The following ZNF407 variants were observed in gnomAD, a reference collection of about 807,000 sequenced individuals.
The protein encoded by ZNF407 is zinc finger protein 407.
ZNF407 carries 17 observed loss-of-function variants against 131.2 expected under a neutral mutation model. The observed-to-expected ratio is 0.13, with a 90% confidence interval of 0.09 to 0.19. The LOEUF is 0.19. ZNF407 is among the 10% of genes least tolerant of loss of function. The pLI is 1.00. For synonymous variants in ZNF407, 1,156 were observed against 1,062.0 expected (o/e 1.09, Z -1.72); for missense variants, 2,681 against 2,830.6 (o/e 0.95, Z 1.20).
chr18:75,063,043 G>A lies in ZNF407; in HGVS notation c.5429-107G>A, dbSNP rs1973656688. On this transcript the variant is annotated intron_variant, in intron 8 of 8. Coordinates refer to ENST00000299687, the MANE Select transcript of ZNF407 (RefSeq NM_017757.3). This position sits in a 1 kb window ranked among gnomAD's most constrained non-coding sequence, Gnocchi z 6.6. ...GAGCTCTTCAGGGTTTGGAATAGGG[G>A]GTCGTGGTGACTCTGCTGAGGCCTG... 2.9e-6 allele frequency: 3 copies of A among 1,031,414 alleles called. No individual in the cohort carries two copies. The South Asian group carries it at 4.9e-5, about 17-fold the overall frequency. The allele number at this position is 1,031,414 out of a possible 1,614,324, so 63.9% of individuals were successfully genotyped here.
At chr18:74,989,812 C>T (rs1187751044) in intron 8 of ZNF407, among the ~76,000 whole-genome samples, 1 of 150,518 alleles carries the variant, frequency 6.6e-6, no homozygotes, top group Non-Finnish European at 1.5e-5. Context: ...GACTGTACTC[C>T]AGCCTGGGCG....
intron 8 of ZNF407, among the ~76,000 whole-genome samples, chr18:75,022,102 GTAACT>G (rs1329385169): frequency 6.6e-6 from 1 of 151,996 alleles, no homozygotes; most frequent in African/African-American, 2.4e-5. Context: ...ATTATAACTA[GTAACT>G]TAACAAATGC....
intron 3 of ZNF407, among the ~76,000 whole-genome samples, chr18:74,741,177 A>G (rs1347788805): frequency 6.6e-6 from 1 of 152,164 alleles, no homozygotes; most frequent in Non-Finnish European, 1.5e-5. Flanking sequence ...AAATACATGT[A>G]TGGATGGTGA....
chr18:75,010,062 G>A (rs1365591104), intron 8 of ZNF407, among the ~76,000 whole-genome samples: 1 of 152,158 alleles, frequency 6.6e-6, no homozygotes, highest in African/African-American at 2.4e-5. Flanking sequence ...AAAACATTAT[G>A]CACATTTTGT....
intron 3 of ZNF407, among the ~76,000 whole-genome samples, chr18:74,663,169 A>ATG (rs1057007866): frequency 1.5e-4 from 23 of 152,120 alleles, no homozygotes; most frequent in East Asian, 1.2e-3. Flanking sequence ...TTAAGTTACA[A>ATG]TGAATGGGGG....
chr18:74,829,192 A>G (rs960407076), intron 4 of ZNF407, among the ~76,000 whole-genome samples: 1 of 152,246 alleles, frequency 6.6e-6, no homozygotes, highest in African/African-American at 2.4e-5. Context: ...GGAAATAGAG[A>G]TGGTCTTTTG....
At chr18:74,978,657 G>A (rs1972554513) in intron 8 of ZNF407, among the ~76,000 whole-genome samples, 1 of 151,606 alleles carries the variant, frequency 6.6e-6, no homozygotes, top group Non-Finnish European at 1.5e-5. Flanking sequence ...GAGAAAGGAG[G>A]GGTAGAGTAC....
chr18:74,892,607 CGTT>C (rs993270470), intron 7 of ZNF407, among the ~76,000 whole-genome samples: 3 of 152,054 alleles, frequency 2.0e-5, no homozygotes, highest in African/African-American at 4.8e-5. Context: ...TGTGTTAAAA[CGTT>C]GTTTAGAATA....
At chr18:74,639,459 A>G (rs1018321431) in intron 2 of ZNF407, among the ~76,000 whole-genome samples, 3 of 152,154 alleles carry the variant, frequency 2.0e-5, no homozygotes, top group African/African-American at 7.2e-5. Flanking sequence ...ATAGAATTCT[A>G]TGTCTTAGTG....
At chr18:74,910,355 G>T (rs1288701272) in intron 7 of ZNF407, among the ~76,000 whole-genome samples, 1 of 151,834 alleles carries the variant, frequency 6.6e-6, no homozygotes, top group African/African-American at 2.4e-5. Flanking sequence ...CTATATATGT[G>T]GTTGCTTGCT....
In ZNF407 at chr18:75,013,328, G is replaced by A. The variant is rs191042154; in HGVS notation, c.5429-49822G>A. On this transcript the variant is annotated intron_variant, in intron 8 of 8. Transcript: ENST00000299687. ...TCACAGCAGGAATTGTTGTAGATCCGTATTTATTAAGTGATGGGTAGTTGT... is the reference window on the plus strand; with the variant it reads ...TCACAGCAGGAATTGTTGTAGATCCATATTTATTAAGTGATGGGTAGTTGT... 1.3e-4 allele frequency among the ~76,000 whole-genome samples: 20 copies of A among 152,152 alleles called. No individual in the cohort carries two copies. The East Asian group carries it at 2.3e-3, about 18-fold the overall frequency.
chr18:74,978,664 G>C (rs1048959697), intron 8 of ZNF407, among the ~76,000 whole-genome samples: 1 of 151,552 alleles, frequency 6.6e-6, no homozygotes, highest in African/African-American at 2.4e-5. Context: ...GAGGGGTAGA[G>C]TACAGTTTTG....
chr18:74,945,469 C>T (rs1467038056), intron 8 of ZNF407, among the ~76,000 whole-genome samples: 1 of 152,100 alleles, frequency 6.6e-6, no homozygotes, highest in Non-Finnish European at 1.5e-5. Context: ...CAGAGTTTGG[C>T]TTCTCAAAAA....
chr18:74,682,159 G>A (rs1966999658), intron 3 of ZNF407, among the ~76,000 whole-genome samples: 1 of 152,226 alleles, frequency 6.6e-6, no homozygotes, highest in South Asian at 2.1e-4. Flanking sequence ...AAAGGGGACA[G>A]TAAACTGAAA....
chr18:74,686,791 G>A (rs1169433665), intron 3 of ZNF407, among the ~76,000 whole-genome samples: 2 of 152,170 alleles, frequency 1.3e-5, no homozygotes, highest in Non-Finnish European at 2.9e-5. Context: ...TTAAACAAAG[G>A]TAAATTTTTT....
At chr18:74,857,544 A>G (rs900100153) in intron 4 of ZNF407, among the ~76,000 whole-genome samples, 2 of 152,128 alleles carry the variant, frequency 1.3e-5, no homozygotes, top group African/African-American at 2.4e-5. Flanking sequence ...GATTCTTGTG[A>G]TGGAAAATGG....
At chr18:74,977,950 T>G (rs1599274659) in intron 8 of ZNF407, among the ~76,000 whole-genome samples, 2 of 152,358 alleles carry the variant, frequency 1.3e-5, no homozygotes, top group Admixed American at 1.3e-4. Context: ...TACATGAAAT[T>G]TGCAATATTA....
intron 7 of ZNF407, among the ~76,000 whole-genome samples, chr18:74,915,011 G>T (rs1971727753): frequency 6.6e-6 from 1 of 152,146 alleles, no homozygotes; most frequent in Non-Finnish European, 1.5e-5. Context: ...GTAACCCTTT[G>T]CATTTTTCTG....
At chr18:74,953,471 A>T (rs1013865853) in intron 8 of ZNF407, among the ~76,000 whole-genome samples, 1 of 152,120 alleles carries the variant, frequency 6.6e-6, no homozygotes, top group African/African-American at 2.4e-5. Flanking sequence ...CTCTGCAGGC[A>T]TCCTTAGTCG....
Sources: gnomAD v4.1 joint callset for allele counts (sites outside exome capture counted in the v4.1 genomes callset) on GRCh38, gnomAD v4.1.1 for gene constraint, Gnocchi (gnomAD v3.1) non-coding constraint, MANE v1.5 for transcripts, NCBI Gene and HGNC (gene_info 2026-07-23, HGNC 2026-07-21) for gene names.